ARHGAP32: variants seen among roughly 807,000 people sequenced by gnomAD.
The protein encoded by ARHGAP32 is rho GTPase-activating protein 32.
A neutral mutation model predicts 186.5 loss-of-function variants in ARHGAP32; 51 were observed. The ratio of observed to expected loss-of-function variants is 0.27; its 90% CI spans 0.22 to 0.35. The LOEUF (loss-of-function observed/expected upper bound fraction) is 0.35. Ranked by LOEUF, ARHGAP32 falls within the 10% of genes least tolerant of loss-of-function variation. The probability of loss-of-function intolerance (pLI) is 1.00; values close to 1 mark genes in which losing one functional copy is unlikely to be tolerated. For synonymous variants in ARHGAP32, 950 were observed against 964.3 expected (o/e 0.99, Z 0.27); for missense variants, 2,186 against 2,623.5 (o/e 0.83, Z 3.64).
chr11:129,048,380 G>A (rs1480804362), intron 10 of ARHGAP32, among the ~76,000 whole-genome samples: 2 of 152,104 alleles, frequency 1.3e-5, no homozygotes, highest in Non-Finnish European at 2.9e-5. Flanking sequence ...AGGGTGTCCT[G>A]GCAAAGGAGA....
In ARHGAP32 at chr11:129,095,318, C is replaced by A. The variant is rs115826765; in HGVS notation, c.445-1611G>T. Among the ~76,000 whole-genome samples, 438 of 152,240 alleles carry A rather than the reference C, an allele frequency of 2.9e-3. 2 individuals are homozygous for A. The highest frequency in any genetic ancestry group is 0.01 in the African/African-American group (416 of 41,558). ...GTTAGACAGGGTAAGGAGAAGCCAG[C>A]CAAACCTTGAGTAACTGCATATAAA... On this transcript the variant is annotated intron_variant, in intron 5 of 22. Transcript: ENST00000682385.
chr11:129,049,452 A>T (rs1939947417), intron 10 of ARHGAP32, among the ~76,000 whole-genome samples: 1 of 152,208 alleles, frequency 6.6e-6, no homozygotes, highest in African/African-American at 2.4e-5. Context: ...AACACCCATG[A>T]AACTATTACC....
intron 5 of ARHGAP32, among the ~76,000 whole-genome samples, chr11:129,113,723 A>C (rs1250480318): frequency 6.6e-6 from 1 of 152,094 alleles, no homozygotes; most frequent in Non-Finnish European, 1.5e-5. Flanking sequence ...TGTACCTGAG[A>C]TTTAAGTAGG....
At chr11:129,058,654 C>A (rs1789317399) in intron 10 of ARHGAP32, among the ~76,000 whole-genome samples, 1 of 152,218 alleles carries the variant, frequency 6.6e-6, no homozygotes, top group Non-Finnish European at 1.5e-5. Flanking sequence ...GCGTTTCCCA[C>A]TTAAACCAAT....
chr11:129,273,821 A>G (rs1355074125), intron 1 of ARHGAP32, among the ~76,000 whole-genome samples: 1 of 152,202 alleles, frequency 6.6e-6, no homozygotes, highest in African/African-American at 2.4e-5. Flanking sequence ...GCAAACTGAT[A>G]GAATTTTCTA....
intron 1 of ARHGAP32, among the ~76,000 whole-genome samples, chr11:129,249,693 A>T (rs1050125699): frequency 6.6e-6 from 1 of 152,192 alleles, no homozygotes; most frequent in Non-Finnish European, 1.5e-5. Context: ...AAGTTTATTC[A>T]CTCAAGAAAT....
intron 11 of ARHGAP32, among the ~76,000 whole-genome samples, chr11:129,004,119 T>A (rs540769664): frequency 3.3e-5 from 5 of 152,136 alleles, no homozygotes; most frequent in African/African-American, 1.2e-4. Flanking sequence ...CTTCATTGAC[T>A]CACCGTCTTT....
At chr11:129,039,151 AAATGGTACAGTTACACC>A (rs1248769609) in intron 11 of ARHGAP32, among the ~76,000 whole-genome samples, 2 of 152,328 alleles carry the variant, frequency 1.3e-5, no homozygotes, top group Admixed American at 1.3e-4. Context: ...TGGAACTGCA[AAATGGTACAGTTACACC>A]AATGGTGCAG....
intron 1 of ARHGAP32, among the ~76,000 whole-genome samples, chr11:129,270,471 G>A (rs1945459862): frequency 6.6e-6 from 1 of 151,894 alleles, no homozygotes. Context: ...CAAATCCATA[G>A]AAGGTACAAC....
Position 128,973,216 on chromosome 11 carries a change from T to C in ARHGAP32, c.3290A>G (p.Asn1097Ser). Residue 1097 changes from asparagine (N) to serine (S), a missense_variant, in exon 22 of 23, where the codon AAT (asparagine) becomes AGT (serine). Transcript: ENST00000682385. ...AACTGCAGAGTAAGAACTGGACAGA[T>C]TATCTTCAGTTGTAGCCACCGCTAT... The part of the protein sequence containing the change: ...GDIAVATTED[N>S]LSSSYSAVAL... The C allele has an allele frequency of 6.2e-7, 1 of 1,614,162 alleles. No homozygotes were observed. Among genetic ancestry groups the C allele is most frequent in the Non-Finnish European group, 8.5e-7 (1 of 1,180,020 alleles).
At chr11:129,163,722 CTTCT>C (rs1943576423) in intron 2 of ARHGAP32, among the ~76,000 whole-genome samples, 1 of 152,152 alleles carries the variant, frequency 6.6e-6, no homozygotes, top group African/African-American at 2.4e-5. Flanking sequence ...TAACCTGAGA[CTTCT>C]TTAACATTTT....
Position 128,969,881 on chromosome 11 carries a change from T to G in ARHGAP32, c.5332A>C (p.Lys1778Gln). The G allele has an allele frequency of 6.2e-7, 1 of 1,614,194 alleles. No homozygotes were observed. The highest frequency in any genetic ancestry group is 1.1e-5 in the South Asian group (1 of 91,084). ...SIRRESRARQ[K>Q]VKGPVMSQYD... is the part of the protein sequence containing the mutation. Reference sequence around the variant, plus strand: ...TGGGACATGACAGGCCCTTTCACCTTCTGCCGAGCACGGCTCTCTCTCCGG... The same window carrying G: ...TGGGACATGACAGGCCCTTTCACCTGCTGCCGAGCACGGCTCTCTCTCCGG... The change falls in exon 23 of 23, where the codon AAG (lysine) becomes CAG (glutamine). Residue 1778 changes from lysine (K) to glutamine (Q), a missense_variant. Coordinates refer to ENST00000682385, the MANE Select transcript of ARHGAP32 (RefSeq NM_001378024.1). This position sits in a 1 kb window ranked among gnomAD's most constrained non-coding sequence, Gnocchi z 4.8.
chr11:129,238,706 A>G (rs1374727913), intron 1 of ARHGAP32, among the ~76,000 whole-genome samples: 1 of 151,942 alleles, frequency 6.6e-6, no homozygotes, highest in Non-Finnish European at 1.5e-5. Context: ...GCTAAGACCC[A>G]GTCTCAAAAA....
rs576160401 is a variant in ARHGAP32 at position 129,220,002 on chromosome 11, C to A, written c.-4-55575G>T. Among the ~76,000 whole-genome samples the A allele has an allele frequency of 2.6e-5, 4 of 152,208 alleles. No homozygotes were observed. In the East Asian group the frequency reaches 7.7e-4, roughly 29 times the overall value. On this transcript the variant is annotated intron_variant, in intron 1 of 6. Transcript: ENST00000525234. ...AAACACATTTCTCTACCCTAAAGCT[C>A]AAGGACAAAAAGTGAGAAGAAATTC...
At chr11:129,136,846 A>G (rs942600369) in intron 2 of ARHGAP32, among the ~76,000 whole-genome samples, 1 of 152,066 alleles carries the variant, frequency 6.6e-6, no homozygotes, top group Non-Finnish European at 1.5e-5. Context: ...AGTAGATTGA[A>G]AACATATTTA....
chr11:129,096,787 A>T (rs1348801600), intron 5 of ARHGAP32, among the ~76,000 whole-genome samples: 1 of 152,204 alleles, frequency 6.6e-6, no homozygotes, highest in Non-Finnish European at 1.5e-5. Context: ...TAAAGGGCCA[A>T]CGCCCTTTTC....
At chr11:129,091,927 A>C (rs1941588632) in intron 6 of ARHGAP32, among the ~76,000 whole-genome samples, 1 of 152,076 alleles carries the variant, frequency 6.6e-6, no homozygotes, top group African/African-American at 2.4e-5. Context: ...CTAACACAAT[A>C]TGTCAAGAAT....
intron 5 of ARHGAP32, among the ~76,000 whole-genome samples, chr11:129,105,529 T>C (rs974490292): frequency 1.3e-5 from 2 of 151,906 alleles, no homozygotes; most frequent in Non-Finnish European, 2.9e-5. Flanking sequence ...GACAAAACAC[T>C]ACCTAAACAC....
chr11:129,019,304 C>T (rs1565378802), intron 11 of ARHGAP32, among the ~76,000 whole-genome samples: 1 of 152,114 alleles, frequency 6.6e-6, no homozygotes, highest in Non-Finnish European at 1.5e-5. Context: ...AATACCATAA[C>T]GATAATTATT....
Sources: gnomAD v4.1 joint callset for allele counts (sites outside exome capture counted in the v4.1 genomes callset) on GRCh38, gnomAD v4.1.1 for gene constraint, Gnocchi (gnomAD v3.1) non-coding constraint, MANE v1.5 for transcripts, NCBI Gene and HGNC (gene_info 2026-07-23, HGNC 2026-07-21) for gene names.